ERBB4: variants seen among roughly 807,000 people sequenced by gnomAD.
ERBB4 encodes receptor tyrosine-protein kinase erbB-4.
In ERBB4, 42 loss-of-function variants were observed where a neutral mutation model predicts 158.0. The observed-to-expected ratio is 0.27, with a 90% CI of 0.21 to 0.34. ERBB4 has a LOEUF of 0.34. Ranked by LOEUF, ERBB4 falls within the 10% of genes least tolerant of loss-of-function variation. ERBB4 has a pLI of 1.00. For missense variants in ERBB4, 1,333 were observed against 1,624.1 expected, an observed-to-expected ratio of 0.82 and a Z score of 3.08; for synonymous variants, 583 against 558.7, an observed-to-expected ratio of 1.04 and a Z score of -0.61.
chr2:211,913,935 G>A (rs2079612627), intron 3 of ERBB4, among the ~76,000 whole-genome samples: 1 of 150,494 alleles, frequency 6.6e-6, no homozygotes, highest in Non-Finnish European at 1.5e-5. Flanking sequence ...AAGATAAGAT[G>A]TCAAAAAGGA....
chr2:212,377,222 TATAAA>T (rs1434047065), intron 1 of ERBB4, among the ~76,000 whole-genome samples: 2 of 147,974 alleles, frequency 1.4e-5, no homozygotes, highest in Non-Finnish European at 3.0e-5. Flanking sequence ...TATGAATATA[TATAAA>T]ATAAAATAAA....
intron 19 of ERBB4, among the ~76,000 whole-genome samples, chr2:211,612,670 GATATTTT>G (rs2069243849): frequency 6.6e-6 from 1 of 151,886 alleles, no homozygotes; most frequent in Admixed American, 6.6e-5. Context: ...CTAAGAATCT[GATATTTT>G]ACTTTAGTAA....
rs1284228447 is a variant in ERBB4, at chr2:211,970,553, T to C, written c.235-22937A>G. On this transcript the variant is annotated intron_variant, in intron 2 of 27. Transcript: ENST00000342788. ...TCTAAACTTGCTTTATGAATCTAGG[T>C]GCTCCTGTGTGGGAAGTATATAGAT... 1.3e-5 allele frequency among the ~76,000 whole-genome samples: 2 copies of C among 152,182 alleles called. 1 individual carries two copies. Among genetic ancestry groups the C allele is most frequent in the Admixed American group, 1.3e-4 (2 of 15,272 alleles).
intron 1 of ERBB4, among the ~76,000 whole-genome samples, chr2:212,151,740 C>G (rs1351200531): frequency 6.6e-5 from 10 of 151,790 alleles, no homozygotes; most frequent in Admixed American, 6.6e-4. Context: ...AATACAAAAA[C>G]CAGCTGGGCA....
intron 19 of ERBB4, among the ~76,000 whole-genome samples, chr2:211,578,400 C>T (rs1213669321): frequency 2.6e-5 from 4 of 152,008 alleles, no homozygotes; most frequent in East Asian, 1.9e-4. Flanking sequence ...ATAGATTCAA[C>T]GTTATTCCCA....
rs78687393 is a variant in ERBB4 at position 211,846,112 on chromosome 2, C to T, written c.422-57953G>A. ...GTTGTCCACTCTAGGAAAAAAAAAT[C>T]ATCCCTAGGGCATTTCCCTCTAGCA... is the stretch of plus-strand genomic sequence containing the variant. On this transcript the variant is annotated intron_variant, in intron 3 of 27. Coordinates refer to ENST00000342788, the MANE Select transcript of ERBB4 (RefSeq NM_005235.3). Among the ~76,000 whole-genome samples the T allele has an allele frequency of 1.1e-3, 157 of 148,694 alleles. 2 individuals are homozygous for T. The East Asian group carries it at 0.027, about 26-fold the overall frequency.
At chr2:211,583,151 T>C (rs1172984489) in intron 19 of ERBB4, among the ~76,000 whole-genome samples, 5 of 152,100 alleles carry the variant, frequency 3.3e-5, no homozygotes, top group Non-Finnish European at 7.4e-5. Context: ...CAGTGTATTT[T>C]TCAGAGAAAA....
chr2:211,589,822 T>C (rs561334897), intron 19 of ERBB4, among the ~76,000 whole-genome samples: 1 of 152,296 alleles, frequency 6.6e-6, no homozygotes, highest in South Asian at 2.1e-4. Flanking sequence ...GTTCATTTTA[T>C]GTTTAGCATT....
At chr2:211,400,554 T>A (rs116997186) in intron 25 of ERBB4, among the ~76,000 whole-genome samples, 1 of 152,090 alleles carries the variant, frequency 6.6e-6, no homozygotes, top group South Asian at 2.1e-4. Flanking sequence ...TTCTCACATA[T>A]CTGTGGGAGC....
intron 1 of ERBB4, among the ~76,000 whole-genome samples, chr2:212,395,811 G>T (rs1296559853): frequency 6.6e-6 from 1 of 151,938 alleles, no homozygotes; most frequent in African/African-American, 2.4e-5. Flanking sequence ...TAGAGACGGG[G>T]TTTCACCATG....
chr2:211,529,660 G>T (rs1326161449), intron 20 of ERBB4, among the ~76,000 whole-genome samples: 1 of 151,926 alleles, frequency 6.6e-6, no homozygotes, highest in Non-Finnish European at 1.5e-5. Context: ...TAACCAAGTG[G>T]GATGTATCTT....
intron 25 of ERBB4, among the ~76,000 whole-genome samples, chr2:211,409,904 A>G (rs1346114480): frequency 6.6e-6 from 1 of 152,222 alleles, no homozygotes; most frequent in Non-Finnish European, 1.5e-5. Flanking sequence ...GGTCCCTTGC[A>G]ACTCTGACAC....
At chr2:212,143,538 A>G (rs1163691986) in intron 1 of ERBB4, among the ~76,000 whole-genome samples, 1 of 152,120 alleles carries the variant, frequency 6.6e-6, no homozygotes, top group African/African-American at 2.4e-5. Context: ...AGGTGATAGA[A>G]ATTCCCAGAA....
At chr2:212,134,145 C>G (rs980589205) in intron 1 of ERBB4, among the ~76,000 whole-genome samples, 1 of 151,982 alleles carries the variant, frequency 6.6e-6, no homozygotes, top group African/African-American at 2.4e-5. Context: ...GTTTTTATTT[C>G]AGACTTGAAT....
In ERBB4 at chr2:212,332,041, T is replaced by C. The variant is rs2088202353; in HGVS notation, c.82+206408A>G. 2.0e-5 allele frequency among the ~76,000 whole-genome samples: 3 copies of C among 151,976 alleles called. No individual in the cohort carries two copies. In the South Asian group the frequency reaches 6.2e-4, roughly 32 times the overall value. The stretch of plus-strand genomic sequence containing the variant: ...AAATTAACTAATAAGATAAGTATAG[T>C]TTGTCTCCTCAGTAGTGATACGGTT... On this transcript the variant is annotated intron_variant, in intron 1 of 27. Coordinates refer to ENST00000342788, the MANE Select transcript of ERBB4 (RefSeq NM_005235.3).
At chr2:212,489,666 T>C (rs2106194742) in intron 1 of ERBB4, among the ~76,000 whole-genome samples, 1 of 151,784 alleles carries the variant, frequency 6.6e-6, no homozygotes, top group Non-Finnish European at 1.5e-5. Flanking sequence ...ATCTGAACCT[T>C]AAATATCAGT....
intron 2 of ERBB4, among the ~76,000 whole-genome samples, chr2:212,019,979 A>T (rs1339890974): frequency 6.6e-6 from 1 of 152,126 alleles, no homozygotes; most frequent in Non-Finnish European, 1.5e-5. Flanking sequence ...AAATTTTATA[A>T]TTATAAGAAA....
intron 16 of ERBB4, among the ~76,000 whole-genome samples, chr2:211,635,534 T>C (rs2070325548): frequency 6.6e-6 from 1 of 152,170 alleles, no homozygotes; most frequent in Non-Finnish European, 1.5e-5. Context: ...AGAGGACACA[T>C]GAAACCTTAG....
chr2:211,702,498 C>A (rs1400964922), intron 11 of ERBB4, among the ~76,000 whole-genome samples: 1 of 152,052 alleles, frequency 6.6e-6, no homozygotes, highest in African/African-American at 2.4e-5. Flanking sequence ...TGTATTAACA[C>A]TAAAGAAGTG....
Sources: gnomAD v4.1 joint callset for allele counts (sites outside exome capture counted in the v4.1 genomes callset) on GRCh38, gnomAD v4.1.1 for gene constraint, MANE v1.5 for transcripts, NCBI Gene and HGNC (gene_info 2026-07-23, HGNC 2026-07-21) for gene names.